RGS22: variants seen among roughly 807,000 people sequenced by gnomAD.
The protein encoded by RGS22 is regulator of G-protein signaling 22.
RGS22 carries 148 observed loss-of-function variants against 172.9 expected under a neutral mutation model. The ratio of observed to expected loss-of-function variants is 0.86; its 90% CI spans 0.75 to 0.98. The LOEUF (loss-of-function observed/expected upper bound fraction) is 0.98. Among genes scored for constraint, RGS22 ranks in the 50% least tolerant of loss-of-function variants. The probability of loss-of-function intolerance (pLI) is 0.00; values close to 1 mark genes in which losing one functional copy is unlikely to be tolerated. For missense variants in RGS22, 1,347 were observed against 1,440.8 expected (o/e 0.93, Z 1.05); for synonymous variants, 458 against 480.2 (o/e 0.95, Z 0.60).
intron 2 of RGS22, among the ~76,000 whole-genome samples, chr8:100,096,356 A>T (rs1812967150): frequency 6.6e-6 from 1 of 152,216 alleles, no homozygotes; most frequent in Non-Finnish European, 1.5e-5. Context: ...AATTTGCAAC[A>T]CAGATTCTCT....
intron 2 of RGS22, 101 bp downstream of exon 2, chr8:100,105,273 C>A (rs1167448319): frequency 3.1e-6 from 3 of 955,556 alleles, no homozygotes; most frequent in Non-Finnish European, 5.0e-6. Context: ...AAAACTCTGG[C>A]AAAAAGGAGG....
intron 10 of RGS22, among the ~76,000 whole-genome samples, chr8:100,050,696 G>A (rs1821185778): frequency 6.6e-6 from 1 of 152,020 alleles, no homozygotes; most frequent in Admixed American, 6.6e-5. Flanking sequence ...CCAAAATGTA[G>A]GGTTATTTAT....
chr8:100,087,424 A>T (rs1040732500), intron 3 of RGS22, among the ~76,000 whole-genome samples: 1 of 152,148 alleles, frequency 6.6e-6, no homozygotes, highest in Non-Finnish European at 1.5e-5. Context: ...TCCATGTGTG[A>T]AAAATATTTT....
At chr8:100,069,859 C>A (rs1319428207) in intron 6 of RGS22, among the ~76,000 whole-genome samples, 4 of 151,924 alleles carry the variant, frequency 2.6e-5, no homozygotes, top group Non-Finnish European at 5.9e-5. Flanking sequence ...GAAACCCCAT[C>A]TCTACTAAAA....
intron 19 of RGS22, 77 bp downstream of exon 19, chr8:99,999,184 TG>T (rs1401766150): frequency 1.8e-5 from 22 of 1,244,672 alleles, no homozygotes; most frequent in Non-Finnish European, 3.3e-6. Flanking sequence ...GGACAATGGC[TG>T]GGTCACCAGG....
At chr8:100,092,568 G>A (rs1371412427) in intron 3 of RGS22, among the ~76,000 whole-genome samples, 6 of 152,068 alleles carry the variant, frequency 3.9e-5, no homozygotes, top group Admixed American at 1.3e-4. Context: ...TGAGGTCAGC[G>A]CCCCTCTTTC....
At chr8:99,997,129 TC>T (rs1348584607) in intron 19 of RGS22, among the ~76,000 whole-genome samples, 1 of 152,172 alleles carries the variant, frequency 6.6e-6, no homozygotes, top group Non-Finnish European at 1.5e-5. Flanking sequence ...CCTAGGGCTG[TC>T]CTGGCCTACA....
intron 9 of RGS22, among the ~76,000 whole-genome samples, chr8:100,058,006 T>C (rs1349135779): frequency 6.6e-6 from 1 of 152,056 alleles, no homozygotes; most frequent in Non-Finnish European, 1.5e-5. Flanking sequence ...TCAGATAAAT[T>C]TAACAAAGAT....
At chr8:99,994,766 T>C (rs1588929868) in intron 20 of RGS22, among the ~76,000 whole-genome samples, 1 of 152,272 alleles carries the variant, frequency 6.6e-6, no homozygotes, top group African/African-American at 2.4e-5. Context: ...AAAAAACTAC[T>C]TTAAAGTGCA....
At chr8:99,997,006 T>C (rs3133701) in intron 19 of RGS22, among the ~76,000 whole-genome samples, 2,132 of 152,324 alleles carry the variant, frequency 0.014, 68 homozygotes, top group East Asian at 0.1. Flanking sequence ...TCTATCTCCC[T>C]GTCCATAGCA....
intron 27 of RGS22, 131 bp downstream of exon 27, chr8:99,962,263 C>T (rs1810281071): frequency 1.6e-6 from 1 of 624,510 alleles, no homozygotes; most frequent in Non-Finnish European, 2.8e-6. Context: ...GCAAGGCTCT[C>T]CTCCCCATCG....
In RGS22 at chr8:100,016,978, CTTTTTTTTTTTT is replaced by C. The variant is rs71274949; in HGVS notation, c.2167-8421_2167-8410del. ...CCTACATCCCTGATTCCTTACCAGT[CTTTTTTTTTTTT>C]TTTTTTTTTTTTTTTTTTTTTTTTT... On this transcript the variant is annotated intron_variant, in intron 14 of 27. Transcript: ENST00000360863. Among the ~76,000 whole-genome samples, 12 of 36,132 alleles carry C rather than the reference CTTTTTTTTTTTT, an allele frequency of 3.3e-4. No homozygotes were observed. The East Asian group carries it at 3.5e-3, about 11-fold the overall frequency. The allele number at this position is 36,132 out of a possible 152,430, so 23.7% of individuals were successfully genotyped here.
chr8:100,040,500 C>T (rs1328375346), intron 12 of RGS22, among the ~76,000 whole-genome samples: 2 of 151,994 alleles, frequency 1.3e-5, no homozygotes, highest in African/African-American at 2.4e-5. Context: ...AGAACTATCT[C>T]CAAGGCCTCT....
chr8:100,021,303 C>G (rs563489846), intron 14 of RGS22, among the ~76,000 whole-genome samples: 31 of 152,200 alleles, frequency 2.0e-4, no homozygotes, highest in African/African-American at 6.7e-4. Flanking sequence ...TAGAGTAAAG[C>G]TGAACCAGAA....
At chr8:100,092,368 G>A (rs1812649218) in intron 3 of RGS22, among the ~76,000 whole-genome samples, 1 of 152,050 alleles carries the variant, frequency 6.6e-6, no homozygotes, top group Non-Finnish European at 1.5e-5. Context: ...AATGTGGTTT[G>A]AATGTGTCCC....
At chr8:100,030,709 C>G (rs929996919) in intron 14 of RGS22, among the ~76,000 whole-genome samples, 1 of 152,080 alleles carries the variant, frequency 6.6e-6, no homozygotes, top group African/African-American at 2.4e-5. Flanking sequence ...TCAGCTAAAT[C>G]AACAATAAGA....
At chr8:100,022,653 T>C (rs1203716769) in intron 14 of RGS22, among the ~76,000 whole-genome samples, 8 of 152,086 alleles carry the variant, frequency 5.3e-5, no homozygotes, top group African/African-American at 1.9e-4. Context: ...AAAAGCAAGA[T>C]ATACATTTAA....
intron 13 of RGS22, among the ~76,000 whole-genome samples, chr8:100,039,720 A>T (rs3133700): frequency 0.011 from 1,715 of 151,000 alleles, 52 homozygotes; most frequent in East Asian, 0.11. Flanking sequence ...TTTTTTTTTT[A>T]AATTTTGAAA....
intron 2 of RGS22, among the ~76,000 whole-genome samples, chr8:100,098,843 T>A (rs13264123): frequency 0.058 from 1,236 of 21,234 alleles, 59 homozygotes; most frequent in African/African-American, 0.31. Flanking sequence ...TTTTATTTTT[T>A]TATTTATTTT....
Sources: allele counts gnomAD v4.1 joint callset (sites outside exome capture counted in the v4.1 genomes callset), GRCh38; gene constraint gnomAD v4.1.1; transcripts MANE v1.5; gene names NCBI Gene and HGNC (gene_info 2026-07-23, HGNC 2026-07-21).